GGNBP2: variants seen among roughly 807,000 people sequenced by gnomAD.
The protein encoded by GGNBP2 is gametogenetin-binding protein 2.
Under a neutral mutation model 85.9 loss-of-function variants are expected in GGNBP2, and 10 were observed. The observed-to-expected ratio is 0.12, with a 90% CI of 0.07 to 0.20. The LOEUF is 0.20. GGNBP2 is among the 10% of genes least tolerant of loss of function. The pLI is 1.00. For synonymous variants in GGNBP2, 287 were observed against 285.7 expected (o/e 1.00, Z -0.05); for missense variants, 595 against 857.8 (o/e 0.69, Z 3.83).
chr17:36,574,075 C>G (rs1014646086), intron 6 of GGNBP2, among the ~76,000 whole-genome samples: 7 of 152,148 alleles, frequency 4.6e-5, no homozygotes, highest in Middle Eastern at 3.4e-3. Flanking sequence ...TGCCTTTTTA[C>G]TCTGTTGATC....
chr17:36,584,182 T>G (rs1349858992), intron 9 of GGNBP2, among the ~76,000 whole-genome samples: 1 of 152,238 alleles, frequency 6.6e-6, no homozygotes, highest in East Asian at 1.9e-4. Context: ...AAATGCCTGC[T>G]AAATATCCAA....
intron 13 of GGNBP2, among the ~76,000 whole-genome samples, chr17:36,588,772 GT>G (rs1222092209): frequency 6.6e-6 from 1 of 152,008 alleles, no homozygotes; most frequent in Non-Finnish European, 1.5e-5. Context: ...TAAGTTTAAT[GT>G]TTAAAAGTTT....
Position 36,557,159 on chromosome 17 carries a change from C to G in GGNBP2, c.251C>G (p.Ser84Cys). ...TCACGCGAAGTCCTGAGTGCACTTTCTCAGCTTGTCCCATGTGTTGGTTGT... is the reference window on the plus strand; with the variant it reads ...TCACGCGAAGTCCTGAGTGCACTTTGTCAGCTTGTCCCATGTGTTGGTTGT... ...VTSREVLSAL[S>C]QLVPCVGCRR... is the part of the protein sequence containing the mutation. The change falls in exon 4 of 14, where the codon TCT (serine) becomes TGT (cysteine). Residue 84 changes from serine to cysteine, a missense_variant. Ser to Cys is a moderately radical substitution (Grantham distance 112). Around this residue, in one of 9 missense-constraint regions of GGNBP2, gnomAD observed 216 missense variants for 293.4 expected, o/e 0.74. Coordinates refer to ENST00000613102, the MANE Select transcript of GGNBP2 (RefSeq NM_024835.5). The G allele has an allele frequency of 1.2e-6, 2 of 1,614,112 alleles. No individual in the cohort carries two copies. The highest frequency in any genetic ancestry group is 1.7e-6 in the Non-Finnish European group (2 of 1,180,032).
At chr17:36,551,526 T>G (rs1331595471) in intron 2 of GGNBP2, among the ~76,000 whole-genome samples, 1 of 151,620 alleles carries the variant, frequency 6.6e-6, no homozygotes, top group African/African-American at 2.4e-5. Context: ...AAAGAATTCC[T>G]AAATCAGGTA....
intron 5 of GGNBP2, among the ~76,000 whole-genome samples, chr17:36,566,604 C>T (rs2142735334): frequency 6.6e-6 from 1 of 151,834 alleles, no homozygotes; most frequent in East Asian, 1.9e-4. Flanking sequence ...ACTTGAGCCC[C>T]TGCAGGGGTG....
intron 6 of GGNBP2, among the ~76,000 whole-genome samples, chr17:36,573,199 G>T (rs1555607140): frequency 6.6e-6 from 1 of 151,622 alleles, no homozygotes; most frequent in African/African-American, 2.4e-5. Flanking sequence ...TGCAACCTCC[G>T]CCTCCCGAGT....
At chr17:36,568,958 G>A (rs1475207317) in intron 6 of GGNBP2, among the ~76,000 whole-genome samples, 1 of 152,038 alleles carries the variant, frequency 6.6e-6, no homozygotes, top group Non-Finnish European at 1.5e-5. Context: ...GTTTCACCAT[G>A]TTTGCCAGGA....
chr17:36,575,648 ATTTT>A (rs71274856), intron 6 of GGNBP2, among the ~76,000 whole-genome samples: 41 of 54,896 alleles, frequency 7.5e-4, no homozygotes, highest in Admixed American at 2.3e-3. Context: ...ATATATATAT[ATTTT>A]TTTTTTTTTT....
intron 13 of GGNBP2, among the ~76,000 whole-genome samples, chr17:36,588,480 T>C (rs2074725325): frequency 6.6e-6 from 1 of 152,182 alleles, no homozygotes; most frequent in South Asian, 2.1e-4. Context: ...GGTCTCGAAC[T>C]CCCAACCTCA....
chr17:36,585,442 T>G lies in GGNBP2; in HGVS notation c.1358T>G (p.Ile453Arg). 1 of 1,589,652 alleles carries G rather than the reference T, an allele frequency of 6.3e-7. No homozygotes were observed. Among genetic ancestry groups the G allele is most frequent in the Non-Finnish European group, 8.6e-7 (1 of 1,167,136 alleles). ...GGCAATCTTTTGGGGTCCCCTAAAA[T>G]AAAGAAAGGTAAGTAAATAATTTCT... ...SSGNLLGSPKIKKGLSPHCNG... is the reference protein window; with the variant it reads ...SSGNLLGSPKRKKGLSPHCNG... The change falls in exon 10 of 14, where the codon ATA (isoleucine) becomes AGA (arginine). Residue 453 changes from isoleucine to arginine, a missense_variant. Around this residue, in one of 9 missense-constraint regions of GGNBP2, gnomAD observed 85 missense variants for 92.6 expected, o/e 0.92. Transcript: ENST00000613102.
intron 3 of GGNBP2, 113 bp from the exon 4 acceptor site, chr17:36,556,970 G>C: frequency 7.9e-7 from 1 of 1,266,862 alleles, no homozygotes; most frequent in Non-Finnish European, 1.1e-6. Context: ...GGTAGAGCTG[G>C]TAAACCCTGG....
intron 2 of GGNBP2, chr17:36,546,860 G>T (rs1169313510): frequency 6.6e-6 from 1 of 151,980 alleles, no homozygotes; most frequent in Non-Finnish European, 1.5e-5. Context: ...AATATCTACC[G>T]AAGTTTTTTC....
At chr17:36,546,865 T>TTATGTAAAA (rs1322071031) in intron 2 of GGNBP2, 3 of 152,170 alleles carry the variant, frequency 2.0e-5, no homozygotes, top group African/African-American at 7.2e-5. Context: ...CTACCGAAGT[T>TTATGTAAAA]TTTTCAAATT....
intron 5 of GGNBP2, among the ~76,000 whole-genome samples, chr17:36,563,552 G>GAATACCC (rs1405603594): frequency 6.8e-6 from 1 of 147,806 alleles, no homozygotes; most frequent in Non-Finnish European, 1.5e-5. Context: ...TGTAACAATC[G>GAATACCC]AATACCCAGT....
intron 8 of GGNBP2, among the ~76,000 whole-genome samples, chr17:36,580,183 A>G (rs138286902): frequency 6.7e-6 from 1 of 148,258 alleles, no homozygotes; most frequent in Non-Finnish European, 1.5e-5. Context: ...TATAAGGACT[A>G]TTTTTCTTTC....
At chr17:36,557,385 G>A (rs1278637767) in intron 4 of GGNBP2, 49 bp downstream of exon 4, 1 of 1,493,196 alleles carries the variant, frequency 6.7e-7, no homozygotes, top group Non-Finnish European at 9.2e-7. Context: ...ATTTAAAACA[G>A]CTTGGTGACA....
chr17:36,559,783 TAAG>T (rs778315532), intron 4 of GGNBP2, among the ~76,000 whole-genome samples: 5 of 152,148 alleles, frequency 3.3e-5, no homozygotes, highest in Non-Finnish European at 2.9e-5. Flanking sequence ...GTAGAGGTGA[TAAG>T]AAGTGATCTG....
chr17:36,574,564 A>G (rs150759008), intron 6 of GGNBP2: 2 of 492,952 alleles, frequency 4.1e-6, no homozygotes, highest in African/African-American at 4.0e-5. Flanking sequence ...TGATGAATAC[A>G]GTCTCCTTCC....
chr17:36,576,871 A>G (rs2074596818), intron 6 of GGNBP2: 1 of 151,914 alleles, frequency 6.6e-6, no homozygotes, highest in Admixed American at 6.6e-5. Context: ...ATTAACAGGG[A>G]TTGAGAAGGC....
Sources: allele counts gnomAD v4.1 joint callset (sites outside exome capture counted in the v4.1 genomes callset), GRCh38; gene constraint gnomAD v4.1.1; regional missense constraint gnomAD v4.1.1; transcripts MANE v1.5; gene names NCBI Gene and HGNC (gene_info 2026-07-23, HGNC 2026-07-21).